The following DCHS1 variants were observed in gnomAD, a reference collection of about 807,000 sequenced individuals.
The protein encoded by DCHS1 is dachsous cadherin-related 1, also known as protocadherin-16.
Under a neutral mutation model 213.9 loss-of-function variants are expected in DCHS1, and 78 were observed. The ratio of observed to expected loss-of-function variants is 0.36; its 90% CI spans 0.30 to 0.44. The LOEUF (loss-of-function observed/expected upper bound fraction) is 0.44, where lower values mean the gene tolerates loss of function less well. Among genes scored for constraint, DCHS1 ranks in the 20% least tolerant of loss-of-function variants. DCHS1 has a pLI of 1.00. For missense variants in DCHS1, 3,946 were observed against 4,395.9 expected, an observed-to-expected ratio of 0.90 and a Z score of 2.89; for synonymous variants, 1,828 against 1,873.7, an observed-to-expected ratio of 0.98 and a Z score of 0.63.
In DCHS1 at chr11:6,641,445, C is replaced by A; in HGVS notation, c.169G>T (p.Ala57Ser). 1 of 1,605,082 alleles carries A rather than the reference C, an allele frequency of 6.2e-7. No individual in the cohort carries two copies. Among genetic ancestry groups the A allele is most frequent in the South Asian group, 1.1e-5 (1 of 89,792 alleles). The change falls in exon 2 of 21, where the codon GCG (alanine) becomes TCG (serine). Residue 57 changes from alanine (A) to serine (S), a missense_variant. Around this residue, in one of 3 missense-constraint regions of DCHS1, gnomAD observed 3,384 missense variants for 3,780.1 expected, o/e 0.90. Coordinates refer to ENST00000299441, the MANE Select transcript of DCHS1 (RefSeq NM_003737.4). This position sits in a 1 kb window ranked among gnomAD's most constrained non-coding sequence, Gnocchi z 7.1. ...LDLQIDEEQP[A>S]GTLIGDISAG... ...CTGATGTCGCCAATCAGTGTACCCG[C>A]TGGCTGCTCCTCATCAATCTGCAAG...
rs1256391035 is a variant in DCHS1, at chr11:6,641,365, T to C, written c.249A>G (p.Gln83=). The C allele has an allele frequency of 1.9e-6, 3 of 1,613,396 alleles. No homozygotes were observed. Among genetic ancestry groups the C allele is most frequent in the Non-Finnish European group, 2.5e-6 (3 of 1,179,890 alleles). The stretch of plus-strand genomic sequence containing the variant: ...GGTCTGTGCCCACGCCGCTGCCCTC[T>C]TGGGCAGAGATGAAGTACATGAGAG... ...AAPLMYFISA[Q]EGSGVGTDLA... The change falls in exon 2 of 21, where the codon CAA becomes CAG. Residue 83 remains glutamine, a synonymous_variant. Transcript: ENST00000299441. This position sits in a 1 kb window ranked among gnomAD's most constrained non-coding sequence, Gnocchi z 7.1.
In DCHS1 at chr11:6,621,742, G is replaced by A. The variant is rs1231819359; in HGVS notation, c.*37C>T. 3.9e-6 allele frequency: 6 copies of A among 1,545,660 alleles called. No homozygotes were observed. The highest frequency in any genetic ancestry group is 4.4e-6 in the Non-Finnish European group (5 of 1,146,208). ...GAGTGGGGCCTGCGTTGGGGACACTGTGCGCATCCCAGGTCGGGGCCCAGC... is the reference window on the plus strand; with the variant it reads ...GAGTGGGGCCTGCGTTGGGGACACTATGCGCATCCCAGGTCGGGGCCCAGC... On this transcript the variant is annotated 3_prime_UTR_variant, in exon 21 of 21. Transcript: ENST00000299441.
At position 6,641,769 on chromosome 11, in the gene DCHS1, G is replaced by C. The variant is rs967936622; in HGVS notation, c.-120-36C>G. 8.4e-6 allele frequency: 12 copies of C among 1,423,022 alleles called. No individual in the cohort carries two copies. In the Admixed American group the frequency reaches 2.9e-4, roughly 34 times the overall value. 88.1% of individuals were successfully genotyped at this position (1,423,022 alleles called of 1,614,324 possible). On this transcript the variant is annotated intron_variant, in intron 1 of 20. Transcript: ENST00000299441. The surrounding 1 kb of genome is among the most constrained non-coding windows in gnomAD (Gnocchi z 7.1). ...ACAGAAGGAAACGGGTCATGACAGA[G>C]GAGGGATCAGCAGTCCAGATAACCT...
Position 6,629,578 on chromosome 11 carries a change from C to G in DCHS1, c.5036-1G>C. On this transcript the variant is annotated splice_acceptor_variant, in intron 11 of 20. Transcript: ENST00000299441. LOFTEE classifies it high-confidence loss of function. ...CCATAAGTCACTTGCCCGTTGGCCC[C>G]TGAGGAGGGGCAGCATGGAGGGCGA... 6.2e-7 allele frequency: 1 copy of G among 1,613,726 alleles called. No individual in the cohort carries two copies. The highest frequency in any genetic ancestry group is 8.5e-7 in the Non-Finnish European group (1 of 1,179,756).
At chr11:6,624,417 A>C (rs778449041) in intron 20 of DCHS1, 27 bp from the exon 21 acceptor site, 1 of 1,522,258 alleles carries the variant, frequency 6.6e-7, no homozygotes, top group African/African-American at 1.4e-5. Flanking sequence ...AGGGAAAGAA[A>C]TATATTCAGC....
At position 6,632,022 on chromosome 11, in the gene DCHS1, T is replaced by C. The variant is rs141566818; in HGVS notation, c.3481+9A>G. The C allele has an allele frequency of 3.3e-6, 5 of 1,500,980 alleles. No homozygotes were observed. The Admixed American group carries it at 9.0e-5, about 27-fold the overall frequency. The allele number at this position is 1,500,980 out of a possible 1,614,324, so 93.0% of individuals were successfully genotyped here. A position where few individuals can be genotyped will look rare whatever the true frequency, so the allele number is the denominator to read the frequency against. On this transcript the variant is annotated intron_variant, in intron 6 of 20. Coordinates refer to ENST00000299441, the MANE Select transcript of DCHS1 (RefSeq NM_003737.4). This position sits in a 1 kb window ranked among gnomAD's most constrained non-coding sequence, Gnocchi z 5.9. ...TATGCGGTCTCAGGATTTGGGTCTC[T>C]GTGCTCACCAGTCTGGGGGTGGATG...
At position 6,655,633 on chromosome 11, in the gene DCHS1, G is replaced by A; in HGVS notation, c.-191C>T. Reference sequence around the variant, plus strand: ...GGCCGCGGTCAGCCCCCCGGGCAGCGCCCGCTCGCGCGGGGCCTGAGGCCG... The same window carrying A: ...GGCCGCGGTCAGCCCCCCGGGCAGCACCCGCTCGCGCGGGGCCTGAGGCCG... On this transcript the variant is annotated 5_prime_UTR_variant, in exon 1 of 21. Transcript: ENST00000299441. 1.0e-6 allele frequency: 1 copy of A among 978,038 alleles called. No homozygotes were observed. The highest frequency in any genetic ancestry group is 1.2e-6 in the Non-Finnish European group (1 of 826,582). The allele number at this position is 978,038 out of a possible 1,614,324, so 60.6% of individuals were successfully genotyped here.
chr11:6,644,342 G>A (rs975614820), intron 1 of DCHS1, among the ~76,000 whole-genome samples: 16 of 152,118 alleles, frequency 1.1e-4, no homozygotes, highest in Admixed American at 9.8e-4. Flanking sequence ...ACTTCTCCAT[G>A]GTCCCTCACC....
intron 1 of DCHS1, among the ~76,000 whole-genome samples, chr11:6,654,678 G>A (rs980920022): frequency 3.1e-4 from 47 of 152,214 alleles, no homozygotes; most frequent in African/African-American, 9.9e-4. Context: ...GGCTGTGAGG[G>A]TATCTCTTGA....
At position 6,626,654 on chromosome 11, in the gene DCHS1, C is replaced by T. The variant is rs752340638; in HGVS notation, c.6262G>A (p.Val2088Ile). 4 of 1,613,874 alleles carry T rather than the reference C, an allele frequency of 2.5e-6. No homozygotes were observed. Among genetic ancestry groups the T allele is most frequent in the Non-Finnish European group, 3.4e-6 (4 of 1,179,864 alleles). ...RENAPPGTPIVSPRAVHAGGT... is the reference protein window; with the variant it reads ...RENAPPGTPIISPRAVHAGGT... ...CCTGCATGGACGGCCCTGGGGGAGA[C>T]AATAGGAGTCCCTGCAGAAAGAACG... Residue 2088 changes from valine to isoleucine, a missense_variant, in exon 15 of 21, where the codon GTC (valine) becomes ATC (isoleucine). Physicochemically the swap from Val to Ile is conservative, Grantham distance 29. This residue lies in a region of DCHS1 where 3,384 missense variants were observed against 3,780.1 expected (regional missense o/e 0.90). Coordinates refer to ENST00000299441, the MANE Select transcript of DCHS1 (RefSeq NM_003737.4). The surrounding 1 kb of genome is among the most constrained non-coding windows in gnomAD (Gnocchi z 5.2).
In DCHS1 at chr11:6,622,310, GC is replaced by G; in HGVS notation, c.9365del (p.Gly3122AlafsTer4). On this transcript the variant is annotated frameshift_variant, in exon 21 of 21. Transcript: ENST00000299441. LOFTEE classifies it high-confidence loss of function. The surrounding 1 kb of genome is among the most constrained non-coding windows in gnomAD (Gnocchi z 5.4). ...PPATATAFLG[G>X]CGLSPAPTGD... Reference sequence around the variant, plus strand: ...CAGTGGGTGCAGGGCTCAGGCCACAGCCCCCCAGGAAGGCTGTGGCAGTGGC... The same window carrying G: ...CAGTGGGTGCAGGGCTCAGGCCACAGCCCCCAGGAAGGCTGTGGCAGTGGC... 6.2e-7 allele frequency: 1 copy of G among 1,606,176 alleles called. No homozygotes were observed. Among genetic ancestry groups the G allele is most frequent in the Non-Finnish European group, 8.5e-7 (1 of 1,176,624 alleles).
In DCHS1 at chr11:6,625,804, C is replaced by T; in HGVS notation, c.6732-77G>A. ...TGGGCAGGGCCAGGAGGACTCAGGA[C>T]AGAGCTTAGGGCTGGGGAATTCAGG... On this transcript the variant is annotated intron_variant, in intron 17 of 20. Coordinates refer to ENST00000299441, the MANE Select transcript of DCHS1 (RefSeq NM_003737.4). The surrounding 1 kb of genome is among the most constrained non-coding windows in gnomAD (Gnocchi z 5.3). 6.3e-7 allele frequency: 1 copy of T among 1,583,936 alleles called. No homozygotes were observed. The highest frequency in any genetic ancestry group is 1.2e-5 in the South Asian group (1 of 86,410).
In DCHS1 at chr11:6,641,384, A is replaced by G. The variant is rs1856071652; in HGVS notation, c.230T>C (p.Met77Thr). The G allele has an allele frequency of 6.2e-7, 1 of 1,613,332 alleles. No individual in the cohort carries two copies. The highest frequency in any genetic ancestry group is 8.5e-7 in the Non-Finnish European group (1 of 1,179,846). ...GLPAGTAAPL[M>T]YFISAQEGSG... is the part of the protein sequence containing the mutation. ...GCCCTCTTGGGCAGAGATGAAGTAC[A>G]TGAGAGGAGCTGCCGTGCCTGCCGG... Residue 77 changes from methionine (M) to threonine (T), a missense_variant, in exon 2 of 21, where the codon ATG (methionine) becomes ACG (threonine). By Grantham distance (81) the Met-to-Thr change is moderately conservative. Coordinates refer to ENST00000299441, the MANE Select transcript of DCHS1 (RefSeq NM_003737.4). This position sits in a 1 kb window ranked among gnomAD's most constrained non-coding sequence, Gnocchi z 7.1.
rs746994555 is a variant in DCHS1, at chr11:6,626,115, G to T, written c.6577-41C>A. The T allele has an allele frequency of 1.5e-5, 24 of 1,597,510 alleles. No individual in the cohort carries two copies. The highest frequency in any genetic ancestry group is 3.3e-4 in the Middle Eastern group (2 of 6,068). ...GGCTGCTGGGACTGGTCTGGCCACA[G>T]ACAAGTCTGACTAGCCCTGCTCCCC... is the stretch of plus-strand genomic sequence containing the variant. On this transcript the variant is annotated intron_variant, in intron 16 of 20. Coordinates refer to ENST00000299441, the MANE Select transcript of DCHS1 (RefSeq NM_003737.4). The surrounding 1 kb of genome is among the most constrained non-coding windows in gnomAD (Gnocchi z 5.2).
At position 6,655,597 on chromosome 11, in the gene DCHS1, G is replaced by T; in HGVS notation, c.-155C>A. ...ACGCGGGCTCCCTCGCCCGGTGCTGGGGCGCCGTCCGGCCGCGGTCAGCCC... is the reference window on the plus strand; with the variant it reads ...ACGCGGGCTCCCTCGCCCGGTGCTGTGGCGCCGTCCGGCCGCGGTCAGCCC... On this transcript the variant is annotated 5_prime_UTR_variant, in exon 1 of 21. Transcript: ENST00000299441. 1 of 980,160 alleles carries T rather than the reference G, an allele frequency of 1.0e-6. No homozygotes were observed. Among genetic ancestry groups the T allele is most frequent in the South Asian group, 4.7e-5 (1 of 21,278 alleles). The allele number at this position is 980,160 out of a possible 1,614,324, so 60.7% of individuals were successfully genotyped here.
chr11:6,624,216 T>C lies in DCHS1; in HGVS notation c.7460A>G (p.Tyr2487Cys). ...DHAPSFTLSH[Y>C]RVAVTEDLPP... ...CAGGTCTTCAGTCACAGCCACACGG[T>C]AGTGTGACAATGTGAAGCTCGGGGC... The change falls in exon 21 of 21, where the codon TAC (tyrosine) becomes TGC (cysteine). Residue 2487 changes from tyrosine (Y) to cysteine (C), a missense_variant. By Grantham distance (194) the Tyr-to-Cys change is radical. This residue lies in a region of DCHS1 where 3,384 missense variants were observed against 3,780.1 expected (regional missense o/e 0.90). Coordinates refer to ENST00000299441, the MANE Select transcript of DCHS1 (RefSeq NM_003737.4). 1 of 1,613,336 alleles carries C rather than the reference T, an allele frequency of 6.2e-7. No homozygotes were observed. The highest frequency in any genetic ancestry group is 8.5e-7 in the Non-Finnish European group (1 of 1,179,740).
Position 6,622,010 on chromosome 11 carries a change from G to A in DCHS1, c.9666C>T (p.Asn3222=). Residue 3222 remains asparagine (N), a synonymous_variant, in exon 21 of 21, where the codon AAC becomes AAT. Coordinates refer to ENST00000299441, the MANE Select transcript of DCHS1 (RefSeq NM_003737.4). This position sits in a 1 kb window ranked among gnomAD's most constrained non-coding sequence, Gnocchi z 5.4. ...GAKSVPPKPA[N]TAAARAIFPP... ...GGAAGATGGCCCGGGCTGCAGCTGT[G>A]TTTGCTGGCTTGGGGGGCACAGACT... is the stretch of plus-strand genomic sequence containing the variant. The A allele has an allele frequency of 6.2e-7, 1 of 1,613,450 alleles. No homozygotes were observed. The highest frequency in any genetic ancestry group is 8.5e-7 in the Non-Finnish European group (1 of 1,179,806).
rs1589954480 is a variant in DCHS1, at chr11:6,627,257, A to G, written c.5782T>C (p.Ser1928Pro). The G allele has an allele frequency of 1.2e-6, 2 of 1,613,442 alleles. No individual in the cohort carries two copies. The highest frequency in any genetic ancestry group is 1.3e-5 in the African/African-American group (1 of 75,040). ...GCTGCACCATCCACTGCACTCACAGAAAAGGTGTAGCTGGGACACTGTTCT... is the reference window on the plus strand; with the variant it reads ...GCTGCACCATCCACTGCACTCACAGGAAAGGTGTAGCTGGGACACTGTTCT... ...DREQCPSYTF[S>P]VSAVDGAAAG... The change falls in exon 14 of 21, where the codon TCT becomes CCT. Residue 1928 changes from serine to proline, a missense_variant. By Grantham distance (74) the Ser-to-Pro change is moderately conservative. This residue lies in a region of DCHS1 where 3,384 missense variants were observed against 3,780.1 expected (regional missense o/e 0.90). Coordinates refer to ENST00000299441, the MANE Select transcript of DCHS1 (RefSeq NM_003737.4). The surrounding 1 kb of genome is among the most constrained non-coding windows in gnomAD (Gnocchi z 5.4).
rs746808175 is a variant in DCHS1 at position 6,630,153 on chromosome 11, G to A, written c.4641C>T (p.Ala1547=). The change falls in exon 10 of 21, where the codon GCC becomes GCT. Residue 1547 remains alanine (A), a synonymous_variant. Coordinates refer to ENST00000299441, the MANE Select transcript of DCHS1 (RefSeq NM_003737.4). ...TDENDNAPVF[A]SPSRVRLPED... ...CTGGGAGGCGCACGCGTGACGGCGA[G>A]GCGAAGACAGGCGCGTTGTCATTCT... 1.2e-6 allele frequency: 2 copies of A among 1,602,134 alleles called. No individual in the cohort carries two copies. Among genetic ancestry groups the A allele is most frequent in the African/African-American group, 2.7e-5 (2 of 74,604 alleles).
Sources: gnomAD v4.1 joint callset for allele counts (sites outside exome capture counted in the v4.1 genomes callset) on GRCh38, gnomAD v4.1.1 for gene constraint, gnomAD v4.1.1 regional missense constraint, Gnocchi (gnomAD v3.1) non-coding constraint, MANE v1.5 for transcripts, NCBI Gene and HGNC (gene_info 2026-07-23, HGNC 2026-07-21) for gene names.